Variants in RPS6KC1 observed in about 807,000 individuals in gnomAD.
RPS6KC1 encodes the protein inactive ribosomal protein S6 kinase delta-1.
In RPS6KC1, 54 loss-of-function variants were observed where a neutral mutation model predicts 103.8. The observed-to-expected ratio is 0.52, with a 90% confidence interval of 0.42 to 0.65. The LOEUF (loss-of-function observed/expected upper bound fraction) is 0.65. Among genes scored for constraint, RPS6KC1 ranks in the 30% least tolerant of loss-of-function variants. The pLI is 0.00. For missense variants in RPS6KC1, 1,151 were observed against 1,253.8 expected, an observed-to-expected ratio of 0.92 and a Z score of 1.24; for synonymous variants, 439 against 438.7, an observed-to-expected ratio of 1.00 and a Z score of -0.01.
intron 8 of RPS6KC1, among the ~76,000 whole-genome samples, chr1:213,190,423 A>G (rs1314316311): frequency 2.0e-5 from 3 of 152,152 alleles, no homozygotes; most frequent in Non-Finnish European, 4.4e-5. Flanking sequence ...ACAGCTTTTT[A>G]TATGCCTATT....
the RPS6KC1 span, among the ~76,000 whole-genome samples, chr1:213,629,988 G>A: frequency 6.6e-6 from 1 of 152,098 alleles, no homozygotes; most frequent in Non-Finnish European, 1.5e-5. Flanking sequence ...TGTGGGTAAC[G>A]TGACCTTTCT....
chr1:213,741,491 T>A, the RPS6KC1 span, among the ~76,000 whole-genome samples: 1 of 151,400 alleles, frequency 6.6e-6, no homozygotes, highest in Non-Finnish European at 1.5e-5. Flanking sequence ...TCCCTAATTG[T>A]GAGAAAATGC....
At chr1:213,055,793 A>G (rs1354300283) in intron 1 of RPS6KC1, among the ~76,000 whole-genome samples, 2 of 152,244 alleles carry the variant, frequency 1.3e-5, no homozygotes, top group Admixed American at 1.3e-4. Context: ...TGATATCTTA[A>G]TAATATTGTC....
At chr1:213,567,649 G>A in the RPS6KC1 span, among the ~76,000 whole-genome samples, 1 of 152,226 alleles carries the variant, frequency 6.6e-6, no homozygotes, top group Non-Finnish European at 1.5e-5. Context: ...AATGAAAGTT[G>A]TGTTAGGCAT....
rs2095100827 is a variant in RPS6KC1, at chr1:213,274,367, AAGT to A, written c.*1736_*1738del. On this transcript the variant is annotated 3_prime_UTR_variant, in exon 15 of 15. Coordinates refer to ENST00000366960, the MANE Select transcript of RPS6KC1 (RefSeq NM_012424.6). ...CTTCCAGAAGTGCCCTGTGACATGA[AAGT>A]AGGACTTCACAACTAAGGTGAAGAT... 1 of 152,208 alleles carries A rather than the reference AAGT, an allele frequency of 6.6e-6. No individual in the cohort carries two copies. 9.4% of individuals were successfully genotyped at this position (152,208 alleles called of 1,614,324 possible).
the RPS6KC1 span, among the ~76,000 whole-genome samples, chr1:213,826,241 G>A: frequency 4.6e-5 from 7 of 152,130 alleles, no homozygotes; most frequent in South Asian, 2.1e-4. Context: ...ACTGACTACT[G>A]TTCATTTCAA....
chr1:213,618,324 G>A, the RPS6KC1 span, among the ~76,000 whole-genome samples: 4,563 of 152,246 alleles, frequency 0.03, 225 homozygotes, highest in African/African-American at 0.1. Flanking sequence ...ATGAGATCAC[G>A]TGCATAAAAG....
At chr1:213,783,182 G>T in the RPS6KC1 span, among the ~76,000 whole-genome samples, 1 of 152,266 alleles carries the variant, frequency 6.6e-6, no homozygotes, top group Non-Finnish European at 1.5e-5. Flanking sequence ...AAACCAAGGC[G>T]CATCGGATGC....
the RPS6KC1 span, among the ~76,000 whole-genome samples, chr1:213,360,882 G>A: frequency 6.6e-6 from 1 of 152,220 alleles, no homozygotes; most frequent in Non-Finnish European, 1.5e-5. Flanking sequence ...GAATATTGCT[G>A]AACAGCAAAT....
intron 6 of RPS6KC1, among the ~76,000 whole-genome samples, chr1:213,164,624 A>G (rs1189788485): frequency 6.6e-6 from 1 of 152,116 alleles, no homozygotes; most frequent in East Asian, 1.9e-4. Context: ...ATGCAGTGGC[A>G]TGAGCGTGGC....
the RPS6KC1 span, among the ~76,000 whole-genome samples, chr1:213,382,855 G>A: frequency 6.6e-6 from 1 of 152,240 alleles, no homozygotes; most frequent in South Asian, 2.1e-4. Context: ...CTAGCATGGG[G>A]CTTTGCCCCT....
chr1:213,086,235 C>T (rs2080382556), intron 3 of RPS6KC1, among the ~76,000 whole-genome samples: 1 of 152,170 alleles, frequency 6.6e-6, no homozygotes, highest in Non-Finnish European at 1.5e-5. Context: ...TCTGTGCTGC[C>T]AGTGGCATGT....
At chr1:213,849,938 A>G in the RPS6KC1 span, among the ~76,000 whole-genome samples, 2 of 151,826 alleles carry the variant, frequency 1.3e-5, no homozygotes, top group Non-Finnish European at 2.9e-5. Context: ...TAAACTTTTT[A>G]TATTAATTTT....
the RPS6KC1 span, among the ~76,000 whole-genome samples, chr1:213,365,346 T>G: frequency 2.0e-5 from 3 of 152,232 alleles, no homozygotes; most frequent in Non-Finnish European, 4.4e-5. Context: ...GAGCTTTCTT[T>G]GGGCTGAAAG....
At chr1:213,815,730 G>C in the RPS6KC1 span, among the ~76,000 whole-genome samples, 5 of 152,176 alleles carry the variant, frequency 3.3e-5, no homozygotes, top group African/African-American at 1.2e-4. Context: ...TTAGCAAAAG[G>C]CTGTTTTGCT....
the RPS6KC1 span, among the ~76,000 whole-genome samples, chr1:213,318,788 A>G: frequency 1.3e-5 from 2 of 152,178 alleles, no homozygotes; most frequent in African/African-American, 2.4e-5. Context: ...ACCTGCCCCC[A>G]TGATTCAATT....
At chr1:213,078,665 G>A (rs2079574471) in intron 3 of RPS6KC1, among the ~76,000 whole-genome samples, 1 of 152,176 alleles carries the variant, frequency 6.6e-6, no homozygotes, top group Admixed American at 6.5e-5. Context: ...ACCTCCCAAA[G>A]TGCTGGGATT....
At chr1:213,701,499 T>A in the RPS6KC1 span, among the ~76,000 whole-genome samples, 1 of 151,994 alleles carries the variant, frequency 6.6e-6, no homozygotes, top group Non-Finnish European at 1.5e-5. Flanking sequence ...AAGTATTAGT[T>A]CTTTAAATGT....
chr1:213,723,074 G>A, the RPS6KC1 span, among the ~76,000 whole-genome samples: 1 of 152,174 alleles, frequency 6.6e-6, no homozygotes, highest in African/African-American at 2.4e-5. Context: ...CAGCTACTCA[G>A]GAGGCTGAGT....
Sources: gnomAD v4.1 joint callset for allele counts (sites outside exome capture counted in the v4.1 genomes callset) on GRCh38, gnomAD v4.1.1 for gene constraint, MANE v1.5 for transcripts, NCBI Gene and HGNC (gene_info 2026-07-23, HGNC 2026-07-21) for gene names.